Variants in KIF1A observed in about 807,000 individuals in gnomAD.
KIF1A encodes the protein kinesin-like protein KIF1A.
KIF1A carries 46 observed loss-of-function variants against 227.3 expected under a neutral mutation model. The ratio of observed to expected loss-of-function variants is 0.20; its 90% CI spans 0.16 to 0.26. The LOEUF is 0.26. Ranked by LOEUF, KIF1A falls within the 10% of genes least tolerant of loss-of-function variation. The pLI, the probability that KIF1A is intolerant of heterozygous loss-of-function variation, is 1.00. For missense variants in KIF1A, 1,683 were observed against 2,485.9 expected, an observed-to-expected ratio of 0.68 and a Z score of 6.87; for synonymous variants, 1,022 against 1,012.8, an observed-to-expected ratio of 1.01 and a Z score of -0.17.
intron 1 of KIF1A, among the ~76,000 whole-genome samples, chr2:240,812,975 G>GGGATCCGCCTTCACCTCAA (rs2058045045): frequency 1.6e-3 from 227 of 144,498 alleles, no homozygotes; most frequent in Non-Finnish European, 1.7e-3. Context: ...CTTCACCTCG[G>GGGATCCGCCTTCACCTCAA]GGATCCGCCT....
chr2:240,797,655 C>A lies in KIF1A; in HGVS notation c.98G>T (p.Ser33Ile), dbSNP rs762959592. 1 of 1,609,744 alleles carries A rather than the reference C, an allele frequency of 6.2e-7. No homozygotes were observed. Among genetic ancestry groups the A allele is most frequent in the Non-Finnish European group, 8.5e-7 (1 of 1,176,948 alleles). The change falls in exon 2 of 49, where the codon AGC becomes ATC. Residue 33 changes from serine (S) to isoleucine (I), a missense_variant. Transcript: ENST00000498729. ...TGCAGGCTGATACTCACTGGTGGTG[C>A]TTCCAGACATCTGAATGATGCACTT... ...DSKCIIQMSG[S>I]TTTIVNPKQP...
Position 240,742,823 on chromosome 2 carries a change from C to T in KIF1A, c.3640+106G>A, listed in dbSNP as rs923813460. 10 of 1,055,754 alleles carry T rather than the reference C, an allele frequency of 9.5e-6. No individual in the cohort carries two copies. In the African/African-American group the frequency reaches 1.6e-4, roughly 17 times the overall value. The allele number at this position is 1,055,754 out of a possible 1,614,324, so 65.4% of individuals were successfully genotyped here. ...TGGCGCCAGAGTGCCTGGGAGGGCA[C>T]AGCCCAGTCACAGAGGACAGCATTC... On this transcript the variant is annotated intron_variant, in intron 34 of 48. Coordinates refer to ENST00000498729, the MANE Select transcript of KIF1A (RefSeq NM_001244008.2).
Position 240,786,628 on chromosome 2 carries a change from A to T in KIF1A, c.430-115T>A. The T allele has an allele frequency of 4.5e-6, 3 of 671,678 alleles. No homozygotes were observed. The South Asian group carries it at 5.9e-5, about 13-fold the overall frequency. 41.6% of individuals were successfully genotyped at this position (671,678 alleles called of 1,614,324 possible). ...AACATAAGGACCCCTGAGTGAGGAG[A>T]TGGGGGCCGCCATCAGGACCCCTGA... is the stretch of plus-strand genomic sequence containing the variant. On this transcript the variant is annotated intron_variant, in intron 5 of 48. Coordinates refer to ENST00000498729, the MANE Select transcript of KIF1A (RefSeq NM_001244008.2).
chr2:240,753,456 C>A (rs2049455878), intron 27 of KIF1A, among the ~76,000 whole-genome samples: 2 of 152,226 alleles, frequency 1.3e-5, no homozygotes, highest in African/African-American at 4.8e-5. Context: ...CAGGCTCCAG[C>A]AGCACAGCAC....
chr2:240,744,236 C>T (rs1237120130), intron 32 of KIF1A, among the ~76,000 whole-genome samples, 176 bp from the exon 33 acceptor site: 1 of 152,216 alleles, frequency 6.6e-6, no homozygotes, highest in African/African-American at 2.4e-5. Flanking sequence ...CCCCTCCTCC[C>T]ACCACGTGCC....
rs1224024640 is a variant in KIF1A, at chr2:240,758,246, G to A, written c.2582+114C>T. On this transcript the variant is annotated intron_variant, in intron 26 of 48. Transcript: ENST00000498729. This position sits in a 1 kb window ranked among gnomAD's most constrained non-coding sequence, Gnocchi z 5.2. ...AGGACAGGGCTGGGAATATGGGGCT[G>A]GAAAAGCACTTGTCAGGGCCGCTCC... 1.8e-5 allele frequency: 22 copies of A among 1,237,620 alleles called. No individual in the cohort carries two copies. The highest frequency in any genetic ancestry group is 4.6e-5 in the African/African-American group (3 of 65,448). The allele number at this position is 1,237,620 out of a possible 1,614,324, so 76.7% of individuals were successfully genotyped here. A position where few individuals can be genotyped will look rare whatever the true frequency, so the allele number is the denominator to read the frequency against.
Position 240,725,278 on chromosome 2 carries a change from A to G in KIF1A, c.4249T>C (p.Ser1417Pro). 1 of 1,602,016 alleles carries G rather than the reference A, an allele frequency of 6.2e-7. No homozygotes were observed. The highest frequency in any genetic ancestry group is 8.5e-7 in the Non-Finnish European group (1 of 1,175,074). Reference sequence around the variant, plus strand: ...TCACCCCTGGGAGCTTACCTCTCTGAGGCCCGAAGGCTCCCACTGCCAAAG... The same window carrying G: ...TCACCCCTGGGAGCTTACCTCTCTGGGGCCCGAAGGCTCCCACTGCCAAAG... ...NLFGSGSLRASESNRVTGVYE... is the reference protein window; with the variant it reads ...NLFGSGSLRAPESNRVTGVYE... Residue 1417 changes from serine (S) to proline (P), a missense_variant, in exon 40 of 49, where the codon TCA becomes CCA. Ser to Pro is a moderately conservative substitution (Grantham distance 74, BLOSUM62 -1). Coordinates refer to ENST00000498729, the MANE Select transcript of KIF1A (RefSeq NM_001244008.2). This position sits in a 1 kb window ranked among gnomAD's most constrained non-coding sequence, Gnocchi z 5.8.
intron 15 of KIF1A, among the ~76,000 whole-genome samples, 197 bp from the exon 16 acceptor site, chr2:240,769,903 T>G (rs1296741669): frequency 6.6e-6 from 1 of 152,112 alleles, no homozygotes; most frequent in East Asian, 1.9e-4. Flanking sequence ...CTCAGGAGAA[T>G]GGAGAAAACG....
chr2:240,722,519 C>G lies in KIF1A; in HGVS notation c.4602G>C (p.Ser1534=), dbSNP rs757090320. The G allele has an allele frequency of 1.3e-6, 2 of 1,548,284 alleles. No individual in the cohort carries two copies. Among genetic ancestry groups the G allele is most frequent in the South Asian group, 2.4e-5 (2 of 83,956 alleles). The part of the protein sequence containing the change: ...HGSSSASSPL[S]AEGRPSPLEA... ...CCAGGGGTGATGGGCGGCCCTCAGC[C>G]GAGAGCGGGGAGGAGGCGCTGGAGG... is the stretch of plus-strand genomic sequence containing the variant. Residue 1534 remains serine (S), a synonymous_variant, in exon 43 of 49, where the codon TCG becomes TCC. Coordinates refer to ENST00000498729, the MANE Select transcript of KIF1A (RefSeq NM_001244008.2).
intron 1 of KIF1A, chr2:240,798,170 C>T (rs960875291): frequency 7.8e-5 from 14 of 178,560 alleles, no homozygotes; most frequent in Middle Eastern, 2.7e-3. Flanking sequence ...GCCAGGTCCG[C>T]GCAGGCCCCA....
intron 1 of KIF1A, among the ~76,000 whole-genome samples, chr2:240,812,265 G>A (rs1191775534): frequency 6.6e-6 from 1 of 152,202 alleles, no homozygotes; most frequent in East Asian, 1.9e-4. Context: ...GGGGGCTGGG[G>A]GTGGCACCAA....
Position 240,774,128 on chromosome 2 carries a change from C to A in KIF1A, c.1037+55G>T, listed in dbSNP as rs568283615. The A allele has an allele frequency of 2.3e-5, 27 of 1,163,872 alleles. No homozygotes were observed. In the East Asian group the frequency reaches 5.8e-4, roughly 25 times the overall value. 72.1% of individuals were successfully genotyped at this position (1,163,872 alleles called of 1,614,324 possible). Reference sequence around the variant, plus strand: ...CTTCCTAATTCAAGCACGAGAGGATCCATCCCCCAAGACCAGGGAGCGGGA... The same window carrying A: ...CTTCCTAATTCAAGCACGAGAGGATACATCCCCCAAGACCAGGGAGCGGGA... On this transcript the variant is annotated intron_variant, in intron 12 of 48. Coordinates refer to ENST00000498729, the MANE Select transcript of KIF1A (RefSeq NM_001244008.2).
At chr2:240,719,683 C>G in intron 46 of KIF1A, 91 bp downstream of exon 46, 4 of 1,362,642 alleles carry the variant, frequency 2.9e-6, no homozygotes, top group Non-Finnish European at 3.9e-6. Context: ...TATGAGGGTC[C>G]CTGTGCCCCC....
At chr2:240,813,167 G>A (rs1213306313) in intron 1 of KIF1A, among the ~76,000 whole-genome samples, 1 of 152,274 alleles carries the variant, frequency 6.6e-6, no homozygotes, top group Non-Finnish European at 1.5e-5. Context: ...AAAAACCACA[G>A]CAGGTTTTTC....
At chr2:240,750,406 C>T (rs1340090701) in intron 28 of KIF1A, 23 bp downstream of exon 28, 20 of 1,573,972 alleles carry the variant, frequency 1.3e-5, no homozygotes, top group Middle Eastern at 3.3e-4. Context: ...CAATGCCACA[C>T]ACGGCCTTTG....
chr2:240,786,545 C>A, intron 5 of KIF1A, 32 bp from the exon 6 acceptor site: 1 of 1,608,570 alleles, frequency 6.2e-7, no homozygotes, highest in South Asian at 1.1e-5. Context: ...TCAGGGGCCC[C>A]TGAGGCGAGG....
At chr2:240,812,898 G>GGGGATCCGCCTTCACCTCA (rs2058010577) in intron 1 of KIF1A, among the ~76,000 whole-genome samples, 1 of 29,130 alleles carries the variant, frequency 3.4e-5, no homozygotes, top group Admixed American at 4.7e-4. Context: ...CCTTCACCTC[G>GGGGATCCGCCTTCACCTCA]GGGATCCGCC....
At chr2:240,820,992 T>A (rs1212741669), upstream of KIF1A, among the ~76,000 whole-genome samples, 1 of 151,742 alleles carries the variant, frequency 6.6e-6, no homozygotes, top group African/African-American at 2.4e-5. This position sits in a 1 kb window ranked among gnomAD's most constrained non-coding sequence, Gnocchi z 6.2. Context: ...AACCCCAGCC[T>A]GCGTCACCCG....
At chr2:240,728,333 C>A in intron 38 of KIF1A, 1 of 1,134,684 alleles carries the variant, frequency 8.8e-7, no homozygotes, top group East Asian at 5.9e-5. Context: ...GAAAGGAACT[C>A]GGAAGAGCAG....
Sources: gnomAD v4.1 joint callset for allele counts (sites outside exome capture counted in the v4.1 genomes callset) on GRCh38, gnomAD v4.1.1 for gene constraint, Gnocchi (gnomAD v3.1) non-coding constraint, MANE v1.5 for transcripts, NCBI Gene and HGNC (gene_info 2026-07-23, HGNC 2026-07-21) for gene names.